NHSL2: variants seen among roughly 807,000 people sequenced by gnomAD.
NHSL2 encodes NHS-like protein 2.
Under a neutral mutation model 53.4 loss-of-function variants are expected in NHSL2, and 27 were observed. That is an observed-to-expected ratio of 0.51 (90% CI 0.37 to 0.70). The LOEUF is 0.70. Among genes scored for constraint, NHSL2 ranks in the 30% least tolerant of loss-of-function variants. The pLI is 0.00. For synonymous variants in NHSL2, 408 were observed against 404.1 expected (o/e 1.01, Z -0.12); for missense variants, 892 against 980.1 (o/e 0.91, Z 1.20).
chrX:72,112,290 T>A (rs2042099559), intron 1 of NHSL2, among the ~76,000 whole-genome samples: 1 of 110,948 alleles, frequency 9.0e-6, no homozygotes. Context: ...TGGGAAGATG[T>A]GCTGGGGAGC....
rs951066681 is a variant in NHSL2 at position 72,137,348 on chromosome X, A to G, written c.892+123A>G. 3.3e-5 allele frequency: 22 copies of G among 672,569 alleles called. No homozygotes were observed. In the Admixed American group the frequency reaches 8.9e-4, roughly 27 times the overall value. The allele number at this position is 672,569 out of a possible 1,213,427, so 55.4% of individuals were successfully genotyped here. A position where few individuals can be genotyped will look rare whatever the true frequency, so the allele number is the denominator to read the frequency against. ...ATTGGGTGGAGGAGGGGGCCTCCGG[A>G]TGTCCTGAAAAAGCCAATATGGTAA... On this transcript the variant is annotated intron_variant, in intron 5 of 7. Transcript: ENST00000633930.
chrX:72,053,301 C>G (rs1038444630), intron 1 of NHSL2, among the ~76,000 whole-genome samples: 1 of 111,178 alleles, frequency 9.0e-6, no homozygotes, highest in Admixed American at 9.5e-5. Flanking sequence ...GTCGCCTGAC[C>G]AGTTTGCCTG....
At chrX:72,029,845 C>A (rs917534390) in intron 1 of NHSL2, among the ~76,000 whole-genome samples, 1 of 112,132 alleles carries the variant, frequency 8.9e-6, no homozygotes, top group Non-Finnish European at 1.9e-5. Context: ...ATGAAAGAAG[C>A]CCTTGAAAGA....
intron 1 of NHSL2, among the ~76,000 whole-genome samples, chrX:72,093,721 G>GCTTGCTTGCTTGCTTGCTTTCTTTCTTT (rs1216358306): frequency 1.0e-5 from 1 of 95,301 alleles, no homozygotes; most frequent in African/African-American, 4.3e-5. Flanking sequence ...TAGCTTGCTT[G>GCTTGCTTGCTTGCTTGCTTTCTTTCTTT]CTTTCTTTCT....
chrX:72,009,223 A>G (rs1368684844), intron 1 of NHSL2, among the ~76,000 whole-genome samples: 4 of 112,734 alleles, frequency 3.5e-5, no homozygotes, highest in African/African-American at 6.4e-5. Context: ...GGAGAGAACC[A>G]CCTGACGGGA....
intron 1 of NHSL2, among the ~76,000 whole-genome samples, chrX:72,021,326 G>C (rs1302916131): frequency 2.7e-5 from 3 of 111,939 alleles, no homozygotes; most frequent in African/African-American, 9.8e-5. Context: ...TCTATCCCCT[G>C]CCTTCCTGTC....
At chrX:71,951,565 G>A in intron 1 of NHSL2, among the ~76,000 whole-genome samples, 1 of 111,965 alleles carries the variant, frequency 8.9e-6, no homozygotes, top group Non-Finnish European at 1.9e-5. Context: ...AGCCTATTGG[G>A]TGCAAGGTGG....
At chrX:71,946,311 G>A (rs1223315232) in intron 1 of NHSL2, among the ~76,000 whole-genome samples, 2 of 112,303 alleles carry the variant, frequency 1.8e-5, no homozygotes, top group Non-Finnish European at 3.8e-5. Flanking sequence ...TTCAGGCAGA[G>A]GGCATAGCCT....
chrX:72,009,860 A>G (rs936239318), intron 1 of NHSL2, among the ~76,000 whole-genome samples: 9 of 112,409 alleles, frequency 8.0e-5, no homozygotes, highest in African/African-American at 2.9e-4. Flanking sequence ...ATGATTCACA[A>G]TGGATAAATG....
chrX:72,092,376 A>T (rs933992152), intron 1 of NHSL2, among the ~76,000 whole-genome samples: 12 of 111,378 alleles, frequency 1.1e-4, no homozygotes, highest in Admixed American at 9.5e-4. Context: ...TGTATCTGTC[A>T]CATACACGTT....
At chrX:72,040,836 C>T (rs2042270251) in intron 1 of NHSL2, among the ~76,000 whole-genome samples, 1 of 112,540 alleles carries the variant, frequency 8.9e-6, no homozygotes, top group African/African-American at 3.2e-5. Flanking sequence ...GTATCACTTA[C>T]TCAACAAGCA....
At position 72,152,443 on chromosome X, in the gene NHSL2, G is replaced by A. The variant is rs2042523791; in HGVS notation, c.*8869G>A. ...TTTAGGTCCAGATCTGATGGGACTG[G>A]TCAAGAAGGGGATGGTGGGGGCTCC... On this transcript the variant is annotated 3_prime_UTR_variant, in exon 8 of 8. Transcript: ENST00000633930. The A allele has an allele frequency of 9.0e-6, 1 of 111,696 alleles. No individual in the cohort carries two copies. Among genetic ancestry groups the A allele is most frequent in the African/African-American group, 3.3e-5 (1 of 30,642 alleles). The allele number at this position is 111,696 out of a possible 1,213,427, so 9.2% of individuals were successfully genotyped here. A position where few individuals can be genotyped will look rare whatever the true frequency, so the allele number is the denominator to read the frequency against.
Position 72,144,431 on chromosome X carries a change from A to G in NHSL2, c.*857A>G, listed in dbSNP as rs1049184419. 3 of 767,966 alleles carry G rather than the reference A, an allele frequency of 3.9e-6. No homozygotes were observed. Among genetic ancestry groups the G allele is most frequent in the Admixed American group, 5.1e-5 (2 of 39,216 alleles). 63.3% of individuals were successfully genotyped at this position (767,966 alleles called of 1,213,427 possible). ...ACAGCGATAGGCAGGATCTGCGCCC[A>G]GCTCATGCTGCATTCTAAGAACTCT... On this transcript the variant is annotated 3_prime_UTR_variant, in exon 8 of 8. Transcript: ENST00000633930.
Position 72,144,588 on chromosome X carries a change from T to G in NHSL2, c.*1014T>G. 1.0e-6 allele frequency: 1 copy of G among 999,277 alleles called. No individual in the cohort carries two copies. Among genetic ancestry groups the G allele is most frequent in the Non-Finnish European group, 1.3e-6 (1 of 754,986 alleles). 82.4% of individuals were successfully genotyped at this position (999,277 alleles called of 1,213,427 possible). A position where few individuals can be genotyped will look rare whatever the true frequency, so the allele number is the denominator to read the frequency against. On this transcript the variant is annotated 3_prime_UTR_variant, in exon 8 of 8. Coordinates refer to ENST00000633930, the MANE Select transcript of NHSL2 (RefSeq NM_001013627.3). Reference sequence around the variant, plus strand: ...GTCAATTCAGATCGTGGTTTGTGGTTGGTTTGGTTTTGTTTAAAGGAAGTC... The same window carrying G: ...GTCAATTCAGATCGTGGTTTGTGGTGGGTTTGGTTTTGTTTAAAGGAAGTC...
chrX:72,021,988 ATGCC>A (rs982564890), intron 1 of NHSL2, among the ~76,000 whole-genome samples: 5 of 111,648 alleles, frequency 4.5e-5, no homozygotes, highest in African/African-American at 1.3e-4. Flanking sequence ...AGCCTCAGTC[ATGCC>A]TTAGAATTCC....
At chrX:71,976,546 G>T (rs1334282299) in intron 1 of NHSL2, among the ~76,000 whole-genome samples, 1 of 111,763 alleles carries the variant, frequency 8.9e-6, no homozygotes, top group East Asian at 2.8e-4. Context: ...TCTGGCTTCA[G>T]CCACACTAGG....
Position 71,911,019 on chromosome X carries a change from A to T in NHSL2, c.-69A>T. On this transcript the variant is annotated 5_prime_UTR_variant, in exon 1 of 8. Transcript: ENST00000633930. The stretch of plus-strand genomic sequence containing the variant: ...GCCGCCGCTCAGGGGCGCTCGGGCC[A>T]GGGGCGCTGCTCGGGGTGAGCCCGC... 1 of 879,893 alleles carries T rather than the reference A, an allele frequency of 1.1e-6. No homozygotes were observed. Among genetic ancestry groups the T allele is most frequent in the African/African-American group, 2.1e-5 (1 of 47,690 alleles). The allele number at this position is 879,893 out of a possible 1,213,427, so 72.5% of individuals were successfully genotyped here.
chrX:72,091,281 G>A (rs1260336177), intron 1 of NHSL2, among the ~76,000 whole-genome samples: 2 of 111,363 alleles, frequency 1.8e-5, no homozygotes, highest in South Asian at 3.8e-4. Context: ...GTGAAACCCC[G>A]TCTCTACTAA....
chrX:72,145,339 C>G lies in NHSL2; in HGVS notation c.*1765C>G, dbSNP rs2042456111. 8.9e-6 allele frequency: 1 copy of G among 112,268 alleles called. No homozygotes were observed. Among genetic ancestry groups the G allele is most frequent in the Non-Finnish European group, 1.9e-5 (1 of 53,276 alleles). 9.3% of individuals were successfully genotyped at this position (112,268 alleles called of 1,213,427 possible). ...AACTTGGGCCTCTCACAAGAGAAGC[C>G]CTAGGCCTAGGCCCTTTGTTGTTAT... is the stretch of plus-strand genomic sequence containing the variant. On this transcript the variant is annotated 3_prime_UTR_variant, in exon 8 of 8. Transcript: ENST00000633930.
Sources: allele counts gnomAD v4.1 joint callset (sites outside exome capture counted in the v4.1 genomes callset), GRCh38; gene constraint gnomAD v4.1.1; transcripts MANE v1.5; gene names NCBI Gene and HGNC (gene_info 2026-07-23, HGNC 2026-07-21).